Variants in RNF2 observed in about 807,000 individuals in gnomAD.
The protein encoded by RNF2 is E3 ubiquitin-protein ligase RING2.
Under a neutral mutation model 37.2 loss-of-function variants are expected in RNF2, and 6 were observed. That is an observed-to-expected ratio of 0.16 (90% CI 0.09 to 0.32). The LOEUF is 0.32. Among genes scored for constraint, RNF2 ranks in the 10% least tolerant of loss-of-function variants. The pLI is 1.00. For missense variants in RNF2, 251 were observed against 404.0 expected (o/e 0.62, Z 3.25); for synonymous variants, 133 against 132.7 (o/e 1.00, Z -0.02).
At chr1:185,061,388 A>AG (rs1042874800) in intron 1 of RNF2, among the ~76,000 whole-genome samples, 2 of 152,064 alleles carry the variant, frequency 1.3e-5, no homozygotes, top group African/African-American at 4.8e-5. Flanking sequence ...AAAGGGAAAC[A>AG]GAAATGAAAG....
In RNF2 at chr1:185,102,584, T is replaced by A. The variant is rs1251117774; in HGVS notation, c.*2283T>A. ...GAAACTCTGTGTGCAATTAAAGTAATGCATTTCTCTTCTTCTTAACCCCTA... is the reference window on the plus strand; with the variant it reads ...GAAACTCTGTGTGCAATTAAAGTAAAGCATTTCTCTTCTTCTTAACCCCTA... On this transcript the variant is annotated 3_prime_UTR_variant, in exon 7 of 7. Transcript: ENST00000367510. 1 of 152,230 alleles carries A rather than the reference T, an allele frequency of 6.6e-6. No homozygotes were observed. Among genetic ancestry groups the A allele is most frequent in the African/African-American group, 2.4e-5 (1 of 41,466 alleles). The allele number at this position is 152,230 out of a possible 1,614,324, so 9.4% of individuals were successfully genotyped here. A position where few individuals can be genotyped will look rare whatever the true frequency, so the allele number is the denominator to read the frequency against.
Position 185,100,584 on chromosome 1 carries a change from C to T in RNF2, c.*283C>T, listed in dbSNP as rs1652051082. ...ACAAAGTGTGTTTCCACTTGGAGCA[C>T]CATTTTGACCCAGGAATTTTTCATA... On this transcript the variant is annotated 3_prime_UTR_variant, in exon 7 of 7. Coordinates refer to ENST00000367510, the MANE Select transcript of RNF2 (RefSeq NM_007212.4). 2 of 226,042 alleles carry T rather than the reference C, an allele frequency of 8.8e-6. No homozygotes were observed. The highest frequency in any genetic ancestry group is 1.7e-5 in the Non-Finnish European group (2 of 117,264). The allele number at this position is 226,042 out of a possible 1,614,324, so 14.0% of individuals were successfully genotyped here. A position where few individuals can be genotyped will look rare whatever the true frequency, so the allele number is the denominator to read the frequency against.
At chr1:185,072,893 T>G (rs1407842567) in intron 1 of RNF2, among the ~76,000 whole-genome samples, 1 of 152,152 alleles carries the variant, frequency 6.6e-6, no homozygotes, top group Non-Finnish European at 1.5e-5. Flanking sequence ...TGAGCCGAGA[T>G]TGTGCCACTG....
chr1:185,056,312 G>A (rs1292640203), intron 1 of RNF2, among the ~76,000 whole-genome samples: 1 of 151,042 alleles, frequency 6.6e-6, no homozygotes, highest in East Asian at 1.9e-4. Flanking sequence ...TGGTTTGCCA[G>A]TGAAAAAAAA....
intron 3 of RNF2, among the ~76,000 whole-genome samples, chr1:185,092,629 C>G (rs952853694): frequency 1.2e-4 from 18 of 152,002 alleles, no homozygotes; most frequent in African/African-American, 4.3e-4. Context: ...CGCATAAAAC[C>G]ACGATTTTTC....
chr1:185,083,756 C>T (rs1184052000), intron 1 of RNF2, among the ~76,000 whole-genome samples: 2 of 149,808 alleles, frequency 1.3e-5, no homozygotes, highest in African/African-American at 4.9e-5. Context: ...CAGGTGTGTG[C>T]CACCACTCCT....
chr1:185,070,529 G>A (rs1650935714), intron 1 of RNF2, among the ~76,000 whole-genome samples: 1 of 152,078 alleles, frequency 6.6e-6, no homozygotes, highest in African/African-American at 2.4e-5. Context: ...AGAGCCTTGG[G>A]ATCTCAAAGA....
intron 1 of RNF2, among the ~76,000 whole-genome samples, chr1:185,045,894 G>T (rs1650100036): frequency 6.6e-6 from 1 of 152,010 alleles, no homozygotes. Flanking sequence ...GAGCTGGTTT[G>T]CGGAGGACCC....
intron 1 of RNF2, among the ~76,000 whole-genome samples, chr1:185,056,094 T>A (rs1041549385): frequency 2.0e-5 from 3 of 152,226 alleles, no homozygotes; most frequent in Non-Finnish European, 2.9e-5. Flanking sequence ...GTCCCATTTA[T>A]CAGTTTGGAT....
At chr1:185,065,754 G>A (rs868066036) in intron 1 of RNF2, among the ~76,000 whole-genome samples, 18 of 152,222 alleles carry the variant, frequency 1.2e-4, no homozygotes, top group African/African-American at 4.1e-4. Context: ...CTTCGTTCTT[G>A]AAGTCAGCGA....
intron 1 of RNF2, among the ~76,000 whole-genome samples, chr1:185,050,347 T>C (rs1385628817): frequency 2.0e-5 from 3 of 152,252 alleles, no homozygotes; most frequent in African/African-American, 7.2e-5. Flanking sequence ...ACTTGCCTCT[T>C]CTCTGCCTAC....
intron 4 of RNF2, among the ~76,000 whole-genome samples, chr1:185,096,685 A>G (rs986197926): frequency 1.3e-5 from 2 of 151,956 alleles, no homozygotes; most frequent in African/African-American, 4.8e-5. Context: ...CAGCATGTCT[A>G]TTCATGTTGT....
At chr1:185,096,473 C>T (rs528517661) in intron 4 of RNF2, among the ~76,000 whole-genome samples, 1 of 152,256 alleles carries the variant, frequency 6.6e-6, no homozygotes, top group Non-Finnish European at 1.5e-5. Context: ...CCCCAGTTCC[C>T]GGTAACTGTC....
intron 1 of RNF2, among the ~76,000 whole-genome samples, chr1:185,056,655 G>A (rs1480872846): frequency 6.6e-6 from 1 of 152,302 alleles, no homozygotes; most frequent in African/African-American, 2.4e-5. Flanking sequence ...ACAGGTGTGA[G>A]CCACTGCACC....
intron 1 of RNF2, among the ~76,000 whole-genome samples, chr1:185,049,919 C>T (rs1053279314): frequency 3.9e-5 from 6 of 152,168 alleles, no homozygotes; most frequent in Admixed American, 1.3e-4. Flanking sequence ...AAAGATGTCC[C>T]GTCTCCCATC....
chr1:185,092,168 C>G (rs1651785194), intron 3 of RNF2, among the ~76,000 whole-genome samples: 1 of 150,540 alleles, frequency 6.6e-6, no homozygotes, highest in African/African-American at 2.4e-5. Flanking sequence ...TTTCTTCTTT[C>G]CCCTTTCCCC....
intron 1 of RNF2, among the ~76,000 whole-genome samples, chr1:185,071,281 T>G (rs1047485127): frequency 1.3e-5 from 2 of 152,158 alleles, no homozygotes; most frequent in Admixed American, 6.5e-5. Context: ...GTAATTGACA[T>G]TGTTAAGGTG....
chr1:185,090,387 C>G (rs1381350799), intron 2 of RNF2, among the ~76,000 whole-genome samples: 2 of 152,182 alleles, frequency 1.3e-5, no homozygotes, highest in Non-Finnish European at 2.9e-5. Flanking sequence ...GGAGAACAGA[C>G]TTGATTACTC....
intron 1 of RNF2, among the ~76,000 whole-genome samples, chr1:185,056,936 T>C (rs909952300): frequency 4.6e-5 from 7 of 152,248 alleles, no homozygotes; most frequent in African/African-American, 1.4e-4. Context: ...CCTTTGGAAA[T>C]AAATTTTAGA....
Sources: allele counts gnomAD v4.1 joint callset (sites outside exome capture counted in the v4.1 genomes callset), GRCh38; gene constraint gnomAD v4.1.1; transcripts MANE v1.5; gene names NCBI Gene and HGNC (gene_info 2026-07-23, HGNC 2026-07-21).